Variants in PRDM5 observed in about 807,000 individuals in gnomAD.
PRDM5 encodes the protein PR/SET domain 5.
A neutral mutation model predicts 81.2 loss-of-function variants in PRDM5; 56 were observed. That is an observed-to-expected ratio of 0.69 (90% CI 0.56 to 0.86). The LOEUF is 0.86. Ranked by LOEUF, PRDM5 falls within the 40% of genes least tolerant of loss-of-function variation. The probability of loss-of-function intolerance (pLI) is 0.00; values close to 1 mark genes in which losing one functional copy is unlikely to be tolerated. For missense variants in PRDM5, 697 were observed against 770.1 expected (o/e 0.91, Z 1.12); for synonymous variants, 267 against 256.4 (o/e 1.04, Z -0.39).
At chr4:120,900,973 C>T (rs916430058) in intron 2 of PRDM5, among the ~76,000 whole-genome samples, 22 of 152,178 alleles carry the variant, frequency 1.4e-4, no homozygotes, top group Middle Eastern at 3.2e-3. Flanking sequence ...TATTGTTACC[C>T]ATTCACTTCT....
chr4:120,840,933 G>A (rs1230310929), intron 3 of PRDM5, among the ~76,000 whole-genome samples: 1 of 152,150 alleles, frequency 6.6e-6, no homozygotes, highest in African/African-American at 2.4e-5. Flanking sequence ...AGTAATTCTC[G>A]CTCACCCATG....
chr4:120,840,381 G>A (rs933653092), intron 3 of PRDM5, among the ~76,000 whole-genome samples: 1 of 151,984 alleles, frequency 6.6e-6, no homozygotes, highest in South Asian at 2.1e-4. Flanking sequence ...CGTTGGGAAT[G>A]TCAGGCTTGG....
At chr4:120,907,395 C>A (rs1765936522) in intron 2 of PRDM5, 79 bp downstream of exon 2, 6 of 1,106,920 alleles carry the variant, frequency 5.4e-6, no homozygotes, top group African/African-American at 1.6e-5. Context: ...GAATCAATAT[C>A]AATTAATGTA....
rs146675863 is a variant in PRDM5 at position 120,898,283 on chromosome 4, G to T, written c.177+9191C>A. Reference sequence around the variant, plus strand: ...GCAAGATGAGACCACAGAACACCTTGCTTTTCAAAGGCATGTGGCTTAACT... The same window carrying T: ...GCAAGATGAGACCACAGAACACCTTTCTTTTCAAAGGCATGTGGCTTAACT... On this transcript the variant is annotated intron_variant, in intron 2 of 15. Transcript: ENST00000264808. 5.8e-3 allele frequency among the ~76,000 whole-genome samples: 877 copies of T among 152,276 alleles called. 5 individuals are homozygous for T. The highest frequency in any genetic ancestry group is 0.02 in the African/African-American group (830 of 41,558).
chr4:120,878,006 T>A (rs780068389), intron 2 of PRDM5, among the ~76,000 whole-genome samples: 3 of 152,174 alleles, frequency 2.0e-5, no homozygotes, highest in Admixed American at 6.5e-5. Flanking sequence ...TGGAAGTCAG[T>A]GAAATCACTC....
downstream of PRDM5, among the ~76,000 whole-genome samples, chr4:120,690,926 T>C (rs1032520033): frequency 6.6e-6 from 1 of 152,094 alleles, no homozygotes; most frequent in African/African-American, 2.4e-5. Flanking sequence ...CCTCCTACCA[T>C]GTAGTATGCT....
At chr4:120,757,076 A>G (rs1744852710) in intron 13 of PRDM5, among the ~76,000 whole-genome samples, 1 of 152,200 alleles carries the variant, frequency 6.6e-6, no homozygotes, top group Non-Finnish European at 1.5e-5. Flanking sequence ...ATACCAGGTT[A>G]CTATTTCCTT....
intron 2 of PRDM5, among the ~76,000 whole-genome samples, chr4:120,856,584 T>C (rs1208727108): frequency 7.1e-6 from 1 of 140,770 alleles, no homozygotes; most frequent in African/African-American, 2.7e-5. Context: ...AAACACAGAG[T>C]TCGCCTTGCT....
chr4:120,847,341 T>C (rs343178), intron 3 of PRDM5, among the ~76,000 whole-genome samples: 67,421 of 151,860 alleles, frequency 0.44, 15,194 homozygotes, highest in Non-Finnish European at 0.47. Flanking sequence ...CTCTCACTCA[T>C]TTTTGCTCTC....
chr4:120,713,091 T>G (rs1043881084), intron 14 of PRDM5, among the ~76,000 whole-genome samples: 1 of 152,230 alleles, frequency 6.6e-6, no homozygotes, highest in African/African-American at 2.4e-5. Flanking sequence ...ATTCTATCAC[T>G]TTATTTTAGA....
At chr4:120,696,091 G>C (rs944789118) in intron 15 of PRDM5, among the ~76,000 whole-genome samples, 1 of 151,800 alleles carries the variant, frequency 6.6e-6, no homozygotes, top group Non-Finnish European at 1.5e-5. Context: ...CTTTCTTTAC[G>C]GAGGAAAGAA....
At chr4:120,746,014 A>G (rs1369177471) in intron 14 of PRDM5, among the ~76,000 whole-genome samples, 3 of 148,152 alleles carry the variant, frequency 2.0e-5, no homozygotes, top group South Asian at 2.2e-4. Flanking sequence ...GAGGCATCAC[A>G]CTACCTGACT....
intron 13 of PRDM5, among the ~76,000 whole-genome samples, 196 bp downstream of exon 13, chr4:120,776,992 C>T (rs1748247041): frequency 6.6e-6 from 1 of 152,090 alleles, no homozygotes; most frequent in Admixed American, 6.6e-5. Flanking sequence ...AGATGTTTTA[C>T]TTAGTTTAAG....
intron 2 of PRDM5, among the ~76,000 whole-genome samples, chr4:120,880,845 T>C (rs1252945638): frequency 6.6e-6 from 1 of 152,182 alleles, no homozygotes; most frequent in Non-Finnish European, 1.5e-5. Context: ...AAAACGCTCA[T>C]CAATTTCAAA....
chr4:120,696,390 G>A lies in PRDM5; in HGVS notation c.1729-1115C>T, dbSNP rs376930209. Among the ~76,000 whole-genome samples, 6 of 152,134 alleles carry A rather than the reference G, an allele frequency of 3.9e-5. No individual in the cohort carries two copies. The East Asian group carries it at 1.2e-3, about 29-fold the overall frequency. ...TGTAATTTACCTACTCTCTTGTTTA[G>A]TGTCTCTCTCTACTCACTAGAGTCT... On this transcript the variant is annotated intron_variant, in intron 15 of 15. Transcript: ENST00000264808.
chr4:120,850,838 G>A (rs4833688), intron 3 of PRDM5, among the ~76,000 whole-genome samples: 9,319 of 152,146 alleles, frequency 0.061, 452 homozygotes, highest in Middle Eastern at 0.18. Context: ...AAAGTACTGC[G>A]TGGAATGTAC....
chr4:120,917,754 A>G (rs563794925), intron 1 of PRDM5, among the ~76,000 whole-genome samples: 6 of 151,314 alleles, frequency 4.0e-5, no homozygotes, highest in Non-Finnish European at 8.8e-5. Flanking sequence ...GTGTGAGATG[A>G]TGAAGTGAGT....
At chr4:120,707,677 T>G (rs1736402234) in intron 15 of PRDM5, among the ~76,000 whole-genome samples, 1 of 151,722 alleles carries the variant, frequency 6.6e-6, no homozygotes, top group African/African-American at 2.4e-5. Flanking sequence ...AAAAAATGCA[T>G]AAAGGGCACT....
intron 11 of PRDM5, among the ~76,000 whole-genome samples, chr4:120,783,172 A>G (rs1749284127): frequency 6.6e-6 from 1 of 152,102 alleles, no homozygotes; most frequent in African/African-American, 2.4e-5. Context: ...TAATTTTCAT[A>G]TTGCATAAGA....
Sources: allele counts gnomAD v4.1 joint callset (sites outside exome capture counted in the v4.1 genomes callset), GRCh38; gene constraint gnomAD v4.1.1; transcripts MANE v1.5; gene names NCBI Gene and HGNC (gene_info 2026-07-23, HGNC 2026-07-21).